The following FOXP1 variants were observed in gnomAD, a reference collection of about 807,000 sequenced individuals.
FOXP1 encodes the protein forkhead box P1, also known as forkhead box protein P1.
FOXP1 carries 15 observed loss-of-function variants against 98.2 expected under a neutral mutation model. The observed-to-expected ratio is 0.15, with a 90% CI of 0.10 to 0.24. The LOEUF (loss-of-function observed/expected upper bound fraction) is 0.24. Among genes scored for constraint, FOXP1 ranks in the 10% least tolerant of loss-of-function variants. The probability of loss-of-function intolerance (pLI) is 1.00; values close to 1 mark genes in which losing one functional copy is unlikely to be tolerated. For missense variants in FOXP1, 633 were observed against 848.5 expected, an observed-to-expected ratio of 0.75 and a Z score of 3.15; for synonymous variants, 371 against 314.5, an observed-to-expected ratio of 1.18 and a Z score of -1.90.
intron 2 of FOXP1, among the ~76,000 whole-genome samples, chr3:71,544,559 C>A (rs956401950): frequency 2.0e-5 from 3 of 152,128 alleles, no homozygotes; most frequent in African/African-American, 7.2e-5. Context: ...AAAATCCAAA[C>A]CTGAAGCACT....
intron 8 of FOXP1, 102 bp from the exon 9 acceptor site, chr3:71,052,728 T>C (rs930044903): frequency 1.0e-5 from 8 of 767,368 alleles, no homozygotes; most frequent in African/African-American, 8.5e-5. Context: ...AGCATCCTTT[T>C]ATCTGTAATG....
intron 4 of FOXP1, among the ~76,000 whole-genome samples, chr3:71,328,206 G>T (rs185214899): frequency 6.6e-6 from 1 of 152,172 alleles, no homozygotes; most frequent in Non-Finnish European, 1.5e-5. Context: ...GAGGCGGGCA[G>T]ATGGCCAAGC....
chr3:71,367,586 T>A (rs1393099532), intron 3 of FOXP1, among the ~76,000 whole-genome samples: 1 of 152,096 alleles, frequency 6.6e-6, no homozygotes, highest in Non-Finnish European at 1.5e-5. Context: ...CTGAGAACCG[T>A]GATGCTGAGT....
chr3:71,234,863 G>C (rs1402894308), intron 5 of FOXP1, among the ~76,000 whole-genome samples: 1 of 152,158 alleles, frequency 6.6e-6, no homozygotes, highest in African/African-American at 2.4e-5. Flanking sequence ...TGAATCTGCA[G>C]CTTCAGGGCA....
intron 9 of FOXP1, among the ~76,000 whole-genome samples, chr3:71,052,326 C>G (rs758068484): frequency 6.6e-6 from 1 of 152,134 alleles, no homozygotes; most frequent in South Asian, 2.1e-4. Flanking sequence ...CACAGGTACA[C>G]GTGCAGTGGT....
At chr3:70,981,858 A>T (rs557118579) in intron 14 of FOXP1, among the ~76,000 whole-genome samples, 5 of 152,354 alleles carry the variant, frequency 3.3e-5, no homozygotes, top group Admixed American at 2.0e-4. Flanking sequence ...CCAGATTCCA[A>T]ATTAAACATG....
At chr3:71,071,542 CAA>C (rs1269981628) in intron 7 of FOXP1, among the ~76,000 whole-genome samples, 2 of 152,150 alleles carry the variant, frequency 1.3e-5, no homozygotes, top group South Asian at 2.1e-4. Flanking sequence ...TTCAGCTAAA[CAA>C]AGAGGAAGAT....
rs112098084 is a variant in FOXP1, at chr3:70,956,415, C to CTTTT, written c.*2828_*2831dup. The CTTTT allele has an allele frequency of 1.1e-5, 2 of 186,594 alleles. No homozygotes were observed. Among genetic ancestry groups the CTTTT allele is most frequent in the Non-Finnish European group, 2.1e-5 (2 of 96,086 alleles). The allele number at this position is 186,594 out of a possible 1,614,324, so 11.6% of individuals were successfully genotyped here. A position where few individuals can be genotyped will look rare whatever the true frequency, so the allele number is the denominator to read the frequency against. ...CAAAGATATGTAAAATCTAATTTTT[C>CTTTT]TTTTTTTTTTTTTTTTGCTACAGTC... On this transcript the variant is annotated 3_prime_UTR_variant, in exon 21 of 21. Transcript: ENST00000649528.
intron 6 of FOXP1, among the ~76,000 whole-genome samples, chr3:71,182,113 A>G (rs1406247160): frequency 6.6e-6 from 1 of 152,154 alleles, no homozygotes; most frequent in African/African-American, 2.4e-5. Flanking sequence ...TTTTATTGAC[A>G]GGAAAGTGAT....
chr3:71,521,875 A>AG (rs955788332), intron 2 of FOXP1, among the ~76,000 whole-genome samples: 10 of 152,132 alleles, frequency 6.6e-5, no homozygotes, highest in Non-Finnish European at 2.9e-5. Flanking sequence ...GCTCATGGAA[A>AG]GGCGCATTGG....
intron 2 of FOXP1, among the ~76,000 whole-genome samples, chr3:71,562,111 C>T (rs563265824): frequency 6.6e-6 from 1 of 152,170 alleles, no homozygotes; most frequent in Non-Finnish European, 1.5e-5. Context: ...GGCTTCTATC[C>T]TCCGAGCTGT....
intron 7 of FOXP1, among the ~76,000 whole-genome samples, chr3:71,065,994 GAC>G (rs1038388135): frequency 6.9e-6 from 1 of 144,668 alleles, no homozygotes; most frequent in Non-Finnish European, 1.5e-5. Flanking sequence ...ATTTTTTAAA[GAC>G]ACACACACAA....
intron 19 of FOXP1, among the ~76,000 whole-genome samples, chr3:70,967,443 T>C (rs931586833): frequency 1.3e-5 from 2 of 152,166 alleles, no homozygotes; most frequent in Admixed American, 6.5e-5. Context: ...TTCCTTCTAC[T>C]TGTAAATGTG....
At chr3:71,356,174 G>A (rs2078140131) in intron 4 of FOXP1, among the ~76,000 whole-genome samples, 1 of 132,262 alleles carries the variant, frequency 7.6e-6, no homozygotes, top group Non-Finnish European at 1.6e-5. Context: ...AGCAGTTAGT[G>A]AATTCTGCTT....
intron 2 of FOXP1, among the ~76,000 whole-genome samples, chr3:71,527,028 C>T (rs1307925545): frequency 6.6e-6 from 1 of 150,918 alleles, no homozygotes; most frequent in Admixed American, 6.6e-5. Flanking sequence ...GCTTGGTGAG[C>T]AGAGGGCACT....
chr3:71,422,872 A>G (rs73837162), intron 3 of FOXP1, among the ~76,000 whole-genome samples: 1,808 of 151,888 alleles, frequency 0.012, 42 homozygotes, highest in African/African-American at 0.041. Flanking sequence ...ACAAGCGCGC[A>G]CACACACACA....
intron 6 of FOXP1, among the ~76,000 whole-genome samples, chr3:71,189,986 G>A (rs759566419): frequency 2.0e-5 from 3 of 152,220 alleles, no homozygotes; most frequent in African/African-American, 7.2e-5. Flanking sequence ...GTTAGTGGCC[G>A]ATTACTAAAT....
At chr3:71,014,702 T>C (rs1392206155) in intron 12 of FOXP1, among the ~76,000 whole-genome samples, 4 of 152,222 alleles carry the variant, frequency 2.6e-5, no homozygotes, top group East Asian at 1.9e-4. Flanking sequence ...TGTATGTTTA[T>C]TGCGGCACTA....
chr3:71,094,510 G>T (rs920407098), intron 7 of FOXP1, among the ~76,000 whole-genome samples: 6 of 152,030 alleles, frequency 3.9e-5, no homozygotes, highest in Non-Finnish European at 8.8e-5. Flanking sequence ...ATTAAAAAAT[G>T]TAACAATTTT....
Sources: gnomAD v4.1 joint callset for allele counts (sites outside exome capture counted in the v4.1 genomes callset) on GRCh38, gnomAD v4.1.1 for gene constraint, MANE v1.5 for transcripts, NCBI Gene and HGNC (gene_info 2026-07-23, HGNC 2026-07-21) for gene names.